The following GALNTL6 variants were observed in gnomAD, a reference collection of about 807,000 sequenced individuals.
The protein encoded by GALNTL6 is polypeptide N-acetylgalactosaminyltransferase like 6.
Under a neutral mutation model 73.7 loss-of-function variants are expected in GALNTL6, and 46 were observed. The observed-to-expected ratio is 0.62, with a 90% confidence interval of 0.49 to 0.80. The LOEUF is 0.80. Ranked by LOEUF, GALNTL6 falls within the 30% of genes least tolerant of loss-of-function variation. The probability of loss-of-function intolerance (pLI) is 0.00; values close to 1 mark genes in which losing one functional copy is unlikely to be tolerated. For synonymous variants in GALNTL6, 259 were observed against 263.7 expected (o/e 0.98, Z 0.17); for missense variants, 604 against 755.0 (o/e 0.80, Z 2.34).
intron 12 of GALNTL6, among the ~76,000 whole-genome samples, chr4:173,036,034 A>G (rs182735998): frequency 5.7e-4 from 87 of 152,328 alleles, no homozygotes; most frequent in Non-Finnish European, 3.8e-4. Flanking sequence ...CTCAAAATAA[A>G]TATGTGAGGC....
At chr4:172,250,936 T>A (rs780338711) in intron 3 of GALNTL6, among the ~76,000 whole-genome samples, 9 of 152,128 alleles carry the variant, frequency 5.9e-5, no homozygotes, top group Non-Finnish European at 7.4e-5. Context: ...CTTAGTCAAT[T>A]TTTATTGCCT....
At chr4:171,899,061 C>A (rs961457001) in intron 2 of GALNTL6, among the ~76,000 whole-genome samples, 2 of 48,536 alleles carry the variant, frequency 4.1e-5, no homozygotes, top group Non-Finnish European at 8.4e-5. Context: ...GGAAATTGTA[C>A]TTTTAGTATT....
chr4:171,989,146 A>G (rs758493764), intron 2 of GALNTL6, among the ~76,000 whole-genome samples: 7 of 152,172 alleles, frequency 4.6e-5, no homozygotes, highest in African/African-American at 1.4e-4. Context: ...CAAGGGAAAC[A>G]GGCCCTTGAA....
chr4:172,606,485 A>C lies in GALNTL6; in HGVS notation c.554-202876A>C, dbSNP rs543156406. On this transcript the variant is annotated intron_variant, in intron 5 of 12. Transcript: ENST00000506823. ...AAAAAAAAAACAAAGAAAACAAAAA[A>C]AAATAGCTAATAAGAGTACAGAAGG... is the stretch of plus-strand genomic sequence containing the variant. Among the ~76,000 whole-genome samples, 7 of 147,872 alleles carry C rather than the reference A, an allele frequency of 4.7e-5. No homozygotes were observed. In the East Asian group the frequency reaches 1.4e-3, roughly 29 times the overall value.
At chr4:172,873,851 T>C (rs1745063618) in intron 7 of GALNTL6, among the ~76,000 whole-genome samples, 1 of 152,232 alleles carries the variant, frequency 6.6e-6, no homozygotes, top group African/African-American at 2.4e-5. Context: ...ATCAGAGGTA[T>C]TAAAAAATCC....
intron 5 of GALNTL6, among the ~76,000 whole-genome samples, chr4:172,627,283 C>T (rs1739205695): frequency 6.6e-6 from 1 of 152,006 alleles, no homozygotes; most frequent in African/African-American, 2.4e-5. Flanking sequence ...TCTCTTTATG[C>T]AGTGATCACA....
chr4:171,954,772 G>A (rs1272135462), intron 2 of GALNTL6, among the ~76,000 whole-genome samples: 1 of 152,108 alleles, frequency 6.6e-6, no homozygotes, highest in Non-Finnish European at 1.5e-5. Context: ...TAAATCATGG[G>A]TGTGAACTTC....
chr4:172,207,084 T>G lies in GALNTL6; in HGVS notation c.139-22572T>G, dbSNP rs567622448. Reference sequence around the variant, plus strand: ...CGCCCCCCTTGGCCTCCCAAAGTGCTGGGATTACAGGCCGCCGTGCCTGGC... The same window carrying G: ...CGCCCCCCTTGGCCTCCCAAAGTGCGGGGATTACAGGCCGCCGTGCCTGGC... On this transcript the variant is annotated intron_variant, in intron 2 of 12. Coordinates refer to ENST00000506823, the MANE Select transcript of GALNTL6 (RefSeq NM_001034845.3). Among the ~76,000 whole-genome samples, 10 of 152,082 alleles carry G rather than the reference T, an allele frequency of 6.6e-5. No individual in the cohort carries two copies. In the South Asian group the frequency reaches 1.7e-3, roughly 25 times the overall value.
At chr4:171,945,855 T>C (rs1393667145) in intron 2 of GALNTL6, among the ~76,000 whole-genome samples, 2 of 152,166 alleles carry the variant, frequency 1.3e-5, no homozygotes, top group South Asian at 2.1e-4. Context: ...AGGTATATAG[T>C]TATGAAACTT....
At chr4:172,959,671 C>A (rs895292234) in intron 10 of GALNTL6, among the ~76,000 whole-genome samples, 10 of 152,022 alleles carry the variant, frequency 6.6e-5, no homozygotes, top group Admixed American at 1.3e-4. Context: ...AGGAGTCAGT[C>A]AGAGAGCCTT....
At chr4:172,528,969 G>C (rs1267799770) in intron 5 of GALNTL6, among the ~76,000 whole-genome samples, 2 of 4,682 alleles carry the variant, frequency 4.3e-4, no homozygotes, top group Non-Finnish European at 1.9e-3. Context: ...ATATATGTGT[G>C]TGTATATTTA....
intron 5 of GALNTL6, among the ~76,000 whole-genome samples, chr4:172,621,201 C>T (rs1738937685): frequency 6.6e-6 from 1 of 152,178 alleles, no homozygotes; most frequent in South Asian, 2.1e-4. Flanking sequence ...TCCTAAGTAG[C>T]TAGCATGCCC....
intron 5 of GALNTL6, among the ~76,000 whole-genome samples, chr4:172,623,240 G>A (rs1488708923): frequency 6.6e-6 from 1 of 152,044 alleles, no homozygotes; most frequent in Non-Finnish European, 1.5e-5. Flanking sequence ...AACTAAAAAA[G>A]TTAAAAAGGA....
At chr4:172,336,277 T>G (rs1190587052) in intron 4 of GALNTL6, among the ~76,000 whole-genome samples, 7 of 135,270 alleles carry the variant, frequency 5.2e-5, no homozygotes, top group Admixed American at 4.4e-4. Flanking sequence ...TTTGTTTTGT[T>G]TTTTTTTTTT....
chr4:172,646,366 C>G (rs1057405924), intron 5 of GALNTL6, among the ~76,000 whole-genome samples: 2 of 151,962 alleles, frequency 1.3e-5, no homozygotes, highest in African/African-American at 4.8e-5. Context: ...TTTATGCCTT[C>G]TTTACTTTTT....
chr4:172,829,676 A>G (rs965770553), intron 7 of GALNTL6, among the ~76,000 whole-genome samples: 2 of 152,238 alleles, frequency 1.3e-5, no homozygotes, highest in Non-Finnish European at 2.9e-5. Flanking sequence ...TGCAGTAGAC[A>G]TAGCCTTTAA....
chr4:172,377,063 A>G (rs990340647), intron 5 of GALNTL6, among the ~76,000 whole-genome samples: 12 of 152,058 alleles, frequency 7.9e-5, no homozygotes, highest in African/African-American at 2.9e-4. Flanking sequence ...GTGGAAGGGG[A>G]CCCAAGTGGG....
intron 5 of GALNTL6, among the ~76,000 whole-genome samples, chr4:172,658,354 C>A (rs1304356844): frequency 2.0e-5 from 3 of 149,164 alleles, no homozygotes; most frequent in African/African-American, 7.4e-5. Flanking sequence ...GTATTCCCAG[C>A]TACTCGGGAG....
chr4:172,679,595 G>A (rs577346850), intron 5 of GALNTL6, among the ~76,000 whole-genome samples: 100 of 152,162 alleles, frequency 6.6e-4, no homozygotes, highest in African/African-American at 2.3e-3. Flanking sequence ...AAATGATATT[G>A]TTCTCTGTCT....
Sources: gnomAD v4.1 joint callset for allele counts (sites outside exome capture counted in the v4.1 genomes callset) on GRCh38, gnomAD v4.1.1 for gene constraint, MANE v1.5 for transcripts, NCBI Gene and HGNC (gene_info 2026-07-23, HGNC 2026-07-21) for gene names.